The following CENATAC variants were observed in gnomAD, a reference collection of about 807,000 sequenced individuals.
CENATAC encodes the protein centrosomal AT-AC splicing factor.
CENATAC carries 53 observed loss-of-function variants against 53.7 expected under a neutral mutation model. The ratio of observed to expected loss-of-function variants is 0.99; its 90% CI spans 0.79 to 1.24. The LOEUF is 1.24. Ranked by LOEUF, CENATAC falls within the 50% of genes most tolerant of loss-of-function variation. CENATAC has a pLI of 0.00. For missense variants in CENATAC, 474 were observed against 417.8 expected (o/e 1.13, Z -1.17); for synonymous variants, 156 against 144.6 (o/e 1.08, Z -0.57).
At chr11:119,015,203 G>A in intron 9 of CENATAC, 104 bp from the exon 10 acceptor site, 8 of 1,444,510 alleles carry the variant, frequency 5.5e-6, no homozygotes, top group Non-Finnish European at 4.8e-6. Flanking sequence ...AGGTGGGAGG[G>A]TCACTTGAGC....
intron 3 of CENATAC, among the ~76,000 whole-genome samples, chr11:118,999,689 C>G (rs1034862206): frequency 9.2e-5 from 14 of 152,164 alleles, no homozygotes; most frequent in African/African-American, 3.4e-4. Flanking sequence ...GTTGCCCAGG[C>G]TGGAGTGCAG....
chr11:119,010,832 TA>T lies in CENATAC; in HGVS notation c.450+4del. ...AAGGAGGATAAAGTGATCAAGGAGG[TA>T]AGTTAAAGTAGCAGTCCCTCACCCT... On this transcript the variant is annotated splice_donor_region_variant and intron_variant, in intron 4 of 10. Transcript: ENST00000334418. The T allele has an allele frequency of 6.2e-7, 1 of 1,613,418 alleles. No individual in the cohort carries two copies. Among genetic ancestry groups the T allele is most frequent in the South Asian group, 1.1e-5 (1 of 91,064 alleles).
intron 7 of CENATAC, 186 bp downstream of exon 7, chr11:119,012,440 A>G: frequency 5.0e-6 from 3 of 599,278 alleles, no homozygotes; most frequent in East Asian, 6.1e-5. Flanking sequence ...ATTCACATGT[A>G]TTGACACTTA....
chr11:119,012,556 A>AT, intron 7 of CENATAC: 1 of 269,142 alleles, frequency 3.7e-6, no homozygotes, highest in Admixed American at 4.7e-5. Context: ...CACCACTCCT[A>AT]TATTTCCAAT....
intron 6 of CENATAC, 69 bp from the exon 7 acceptor site, chr11:119,012,080 A>C: frequency 1.9e-6 from 3 of 1,613,914 alleles, no homozygotes; most frequent in Non-Finnish European, 2.5e-6. Context: ...GGGAAATGGA[A>C]ACAGATCTAA....
chr11:118,998,872 G>A (rs540071705), intron 2 of CENATAC, 139 bp from the exon 3 acceptor site: 4 of 712,988 alleles, frequency 5.6e-6, no homozygotes, highest in African/African-American at 5.4e-5. Flanking sequence ...AGATCTTGAA[G>A]AGATGGTAAC....
chr11:119,007,091 C>T (rs1186412669), intron 3 of CENATAC, among the ~76,000 whole-genome samples: 1 of 152,224 alleles, frequency 6.6e-6, no homozygotes, highest in East Asian at 1.9e-4. Flanking sequence ...TCTCTCTGCT[C>T]CAGTGCTGCA....
At chr11:119,009,281 C>T (rs189184715) in intron 3 of CENATAC, among the ~76,000 whole-genome samples, 17 of 152,190 alleles carry the variant, frequency 1.1e-4, no homozygotes, top group Admixed American at 1.0e-3. Context: ...CACCTGCCAC[C>T]ACATCTGGCT....
intron 4 of CENATAC, 164 bp from the exon 5 acceptor site, chr11:119,011,057 C>G (rs1259971614): frequency 1.5e-6 from 1 of 662,296 alleles, no homozygotes; most frequent in South Asian, 1.9e-5. Context: ...CACCACTGAT[C>G]TGACAGGAGC....
chr11:119,006,649 G>A (rs1489502811), intron 3 of CENATAC, among the ~76,000 whole-genome samples: 12 of 152,180 alleles, frequency 7.9e-5, no homozygotes, highest in Non-Finnish European at 1.8e-4. Flanking sequence ...GATTACAGGC[G>A]TGAGCCACTG....
At chr11:119,013,292 C>A in intron 8 of CENATAC, 30 bp downstream of exon 8, 2 of 1,577,470 alleles carry the variant, frequency 1.3e-6, no homozygotes, top group East Asian at 2.3e-5. Context: ...TTTTAAAACC[C>A]TGGGAGATTT....
chr11:119,012,511 C>T, intron 7 of CENATAC: 1 of 368,464 alleles, frequency 2.7e-6, no homozygotes, highest in South Asian at 3.8e-5. Flanking sequence ...CAACACAGGA[C>T]ATTAAATATC....
rs1475981390 is a variant in CENATAC, at chr11:119,012,188, C to T, written c.618C>T (p.Asp206=). 2 of 1,614,024 alleles carry T rather than the reference C, an allele frequency of 1.2e-6. No individual in the cohort carries two copies. The highest frequency in any genetic ancestry group is 3.3e-5 in the Admixed American group (2 of 59,992). ...GCTTACAGCAGCCCTCAAATTTGGACCTGCCACCAGCTCCAGAGCTTGACT... is the reference window on the plus strand; with the variant it reads ...GCTTACAGCAGCCCTCAAATTTGGATCTGCCACCAGCTCCAGAGCTTGACT... ...ASSLQQPSNL[D]LPPAPELDWM... is the part of the protein sequence containing the mutation. Residue 206 remains aspartate (D), a synonymous_variant, in exon 7 of 11, where the codon GAC becomes GAT. Coordinates refer to ENST00000334418, the MANE Select transcript of CENATAC (RefSeq NM_198489.3).
chr11:118,998,632 A>T, intron 2 of CENATAC, 39 bp downstream of exon 2: 1 of 1,546,836 alleles, frequency 6.5e-7, no homozygotes, highest in Non-Finnish European at 8.7e-7. Flanking sequence ...GCACAGACGC[A>T]TACATATACG....
chr11:118,998,590 C>T lies in CENATAC; in HGVS notation c.281C>T (p.Ala94Val). The T allele has an allele frequency of 3.2e-6, 5 of 1,560,452 alleles. No individual in the cohort carries two copies. Among genetic ancestry groups the T allele is most frequent in the Non-Finnish European group, 3.5e-6 (4 of 1,151,632 alleles). Reference protein sequence around the residue: ...VLYGGLLEHLASPEHKKATNK... With the variant: ...VLYGGLLEHLVSPEHKKATNK... ...TACGGGGGGCTGCTGGAGCATCTGG[C>T]CAGGTGAGAGCCGAGCTAGGAGCCT... Residue 94 changes from alanine to valine, a missense_variant, in exon 2 of 11, where the codon GCC becomes GTC. Coordinates refer to ENST00000334418, the MANE Select transcript of CENATAC (RefSeq NM_198489.3).
Position 118,999,046 on chromosome 11 carries a change from G to A in CENATAC, c.320G>A (p.Trp107Ter), listed in dbSNP as rs1440820230. ...EHKKATNKFWWENKAEVQMKE... is the reference protein window; with the variant it reads ...EHKKATNKFW ...AAGAAAGCAACCAACAAATTCTGGTGGGAGAACAAAGCTGAGGTCCAGATG... is the reference window on the plus strand; with the variant it reads ...AAGAAAGCAACCAACAAATTCTGGTAGGAGAACAAAGCTGAGGTCCAGATG... Residue 107 changes from tryptophan (W) to a stop codon, truncating the protein, a stop_gained, in exon 3 of 11, where the codon TGG becomes TAG. Coordinates refer to ENST00000334418, the MANE Select transcript of CENATAC (RefSeq NM_198489.3). LOFTEE classifies it high-confidence loss of function. The A allele has an allele frequency of 6.2e-7, 1 of 1,614,084 alleles. No homozygotes were observed. The highest frequency in any genetic ancestry group is 1.3e-5 in the African/African-American group (1 of 75,038).
intron 1 of CENATAC, 32 bp downstream of exon 1, chr11:118,998,349 G>T (rs1376845069): frequency 1.9e-6 from 3 of 1,611,304 alleles, no homozygotes; most frequent in African/African-American, 1.3e-5. Context: ...TGGGATGGGA[G>T]TGCGGGGCAG....
In CENATAC at chr11:118,999,041, C is replaced by A. The variant is rs782816552; in HGVS notation, c.315C>A (p.Phe105Leu). The change falls in exon 3 of 11, where the codon TTC becomes TTA. Residue 105 changes from phenylalanine (F) to leucine (L), a missense_variant. Phe to Leu is a conservative substitution (Grantham distance 22). Transcript: ENST00000334418. The stretch of plus-strand genomic sequence containing the variant: ...AGCACAAGAAAGCAACCAACAAATT[C>A]TGGTGGGAGAACAAAGCTGAGGTCC... The part of the protein sequence containing the change: ...SPEHKKATNK[F>L]WWENKAEVQM... 1 of 1,614,140 alleles carries A rather than the reference C, an allele frequency of 6.2e-7. No homozygotes were observed. Among genetic ancestry groups the A allele is most frequent in the Non-Finnish European group, 8.5e-7 (1 of 1,180,010 alleles).
chr11:119,003,594 G>A lies in CENATAC; in HGVS notation c.383+4485G>A, dbSNP rs182405451. On this transcript the variant is annotated intron_variant, in intron 3 of 10. Transcript: ENST00000334418. ...ATTACAGGCGTGAGCCACTGCACCC[G>A]GCCAATAATTAGAAATATTTCTCTC... 6.0e-3 allele frequency: 1,189 copies of A among 197,724 alleles called. 16 individuals carry two copies. The highest frequency in any genetic ancestry group is 0.027 in the African/African-American group (1,102 of 40,842). 12.2% of individuals were successfully genotyped at this position (197,724 alleles called of 1,614,324 possible).
Sources: allele counts gnomAD v4.1 joint callset (sites outside exome capture counted in the v4.1 genomes callset), GRCh38; gene constraint gnomAD v4.1.1; transcripts MANE v1.5; gene names NCBI Gene and HGNC (gene_info 2026-07-23, HGNC 2026-07-21).